Variants in DENND2B observed in about 807,000 individuals in gnomAD.
DENND2B encodes DENN domain-containing protein 2B.
In DENND2B, 32 loss-of-function variants were observed where a neutral mutation model predicts 116.0. That is an observed-to-expected ratio of 0.28 (90% CI 0.21 to 0.37). DENND2B has a LOEUF of 0.37. DENND2B is among the 10% of genes least tolerant of loss of function. DENND2B has a pLI of 1.00. For synonymous variants in DENND2B, 588 were observed against 583.9 expected (o/e 1.01, Z -0.10); for missense variants, 1,276 against 1,477.7 (o/e 0.86, Z 2.24).
At position 8,730,716 on chromosome 11, in the gene DENND2B, C is replaced by T; in HGVS notation, c.574G>A (p.Gly192Arg). The T allele has an allele frequency of 6.2e-7, 1 of 1,612,244 alleles. No homozygotes were observed. Among genetic ancestry groups the T allele is most frequent in the Non-Finnish European group, 8.5e-7 (1 of 1,179,874 alleles). Residue 192 changes from glycine (G) to arginine (R), a missense_variant, in exon 3 of 20, where the codon GGG becomes AGG. Coordinates refer to ENST00000313726, the MANE Select transcript of DENND2B (RefSeq NM_213618.2). The surrounding 1 kb of genome is among the most constrained non-coding windows in gnomAD (Gnocchi z 4.1). The stretch of plus-strand genomic sequence containing the variant: ...CCCTCACTGGCCGCCCACTCGCTCC[C>T]AGAGCCCTCCCGCTTCTCTCCACAC... ...SMCGEKREGSGSEWAASEGCP... is the reference protein window; with the variant it reads ...SMCGEKREGSRSEWAASEGCP...
intron 1 of DENND2B, among the ~76,000 whole-genome samples, chr11:8,782,892 A>AC (rs2058522953): frequency 1.3e-5 from 2 of 149,888 alleles, no homozygotes; most frequent in East Asian, 3.9e-4. Flanking sequence ...GTCTCAAAAA[A>AC]AAAAAAAAAA....
At chr11:8,853,094 T>C (rs1003262250) in intron 3 of DENND2B, among the ~76,000 whole-genome samples, 1 of 152,224 alleles carries the variant, frequency 6.6e-6, no homozygotes, top group African/African-American at 2.4e-5. Context: ...CCAGGCGCGG[T>C]GGCTCACGCC....
At chr11:8,743,356 C>A (rs2050591337) in intron 2 of DENND2B, among the ~76,000 whole-genome samples, 2 of 151,806 alleles carry the variant, frequency 1.3e-5, no homozygotes, top group Admixed American at 6.6e-5. Context: ...TTGAGACCAG[C>A]CTGGTCAACA....
At chr11:8,798,828 CTT>C (rs200890965) in intron 1 of DENND2B, among the ~76,000 whole-genome samples, 15 of 134,144 alleles carry the variant, frequency 1.1e-4, no homozygotes, top group Admixed American at 1.5e-4. Context: ...TTTCCGGTTG[CTT>C]TTTTTTTTTT....
In DENND2B at chr11:8,738,532, T is replaced by C. The variant is rs542506772; in HGVS notation, c.81-7323A>G. ...GATCCAGCCCTCTCCCCAAACACAT[T>C]GATCTACTTGATGACTATGTCCTAT... is the stretch of plus-strand genomic sequence containing the variant. On this transcript the variant is annotated intron_variant, in intron 2 of 19. Transcript: ENST00000313726. Among the ~76,000 whole-genome samples the C allele has an allele frequency of 3.9e-5, 6 of 152,200 alleles. No homozygotes were observed. In the East Asian group the frequency reaches 1.2e-3, roughly 29 times the overall value.
intron 1 of DENND2B, among the ~76,000 whole-genome samples, chr11:8,775,039 C>T (rs758011546): frequency 1.3e-5 from 2 of 151,964 alleles, no homozygotes; most frequent in Admixed American, 6.6e-5. Context: ...CACCAACACA[C>T]CTGGCTAATT....
intron 1 of DENND2B, among the ~76,000 whole-genome samples, chr11:8,792,543 C>T (rs1206535088): frequency 6.6e-6 from 1 of 151,960 alleles, no homozygotes; most frequent in Non-Finnish European, 1.5e-5. Flanking sequence ...GCAAAGAGTC[C>T]TAATGCCGTA....
At chr11:8,756,534 CG>C (rs1349582279) in intron 1 of DENND2B, among the ~76,000 whole-genome samples, 2 of 152,206 alleles carry the variant, frequency 1.3e-5, no homozygotes, top group African/African-American at 4.8e-5. Flanking sequence ...CTCACAGGGG[CG>C]CACTAGGTTA....
rs1202774458 is a variant in DENND2B at position 8,730,073 on chromosome 11, G to A, written c.1217C>T (p.Pro406Leu). 11 of 1,614,200 alleles carry A rather than the reference G, an allele frequency of 6.8e-6. No individual in the cohort carries two copies. The highest frequency in any genetic ancestry group is 7.6e-6 in the Non-Finnish European group (9 of 1,180,032). ...YEADKNPKSK[P>L]SNGLPPSPTP... ...GGGTGAAGGAGGTAGACCATTACTG[G>A]GCTTACTCTTGGGGTTCTTGTCAGC... Residue 406 changes from proline to leucine, a missense_variant, in exon 3 of 20, where the codon CCC (proline) becomes CTC (leucine). By Grantham distance (98) the Pro-to-Leu change is moderately conservative. This residue lies in a region of DENND2B where 856 missense variants were observed against 846.6 expected (regional missense o/e 1.01). Coordinates refer to ENST00000313726, the MANE Select transcript of DENND2B (RefSeq NM_213618.2). This position sits in a 1 kb window ranked among gnomAD's most constrained non-coding sequence, Gnocchi z 4.1.
chr11:8,741,646 CATACA>C (rs1405522260), intron 2 of DENND2B, among the ~76,000 whole-genome samples: 2 of 152,160 alleles, frequency 1.3e-5, no homozygotes, highest in African/African-American at 2.4e-5. Context: ...TGATTGATAG[CATACA>C]ATACAAGTGA....
At chr11:8,724,347 C>A (rs181444077) in intron 4 of DENND2B, among the ~76,000 whole-genome samples, 283 of 152,188 alleles carry the variant, frequency 1.9e-3, no homozygotes, top group Non-Finnish European at 3.4e-3. Flanking sequence ...TTTCCCTCTA[C>A]CCTGGGCCAC....
At chr11:8,792,579 A>C (rs887903663) in intron 1 of DENND2B, among the ~76,000 whole-genome samples, 2 of 152,260 alleles carry the variant, frequency 1.3e-5, no homozygotes, top group African/African-American at 4.8e-5. Context: ...TCACAAGTCT[A>C]CAAGATAAAA....
At chr11:8,721,667 C>T (rs552961846) in intron 4 of DENND2B, among the ~76,000 whole-genome samples, 5 of 152,244 alleles carry the variant, frequency 3.3e-5, no homozygotes, top group Non-Finnish European at 7.3e-5. Context: ...GCCTTGACAC[C>T]ATTTCTCGAC....
chr11:8,874,572 G>A (rs775642331), upstream of DENND2B, among the ~76,000 whole-genome samples: 5 of 152,208 alleles, frequency 3.3e-5, no homozygotes, highest in Middle Eastern at 3.4e-3. Flanking sequence ...TAGCACTCAC[G>A]AAACAATGAT....
At chr11:8,905,422 T>A (rs2064223284) in intron 1 of DENND2B, among the ~76,000 whole-genome samples, 1 of 152,132 alleles carries the variant, frequency 6.6e-6, no homozygotes, top group South Asian at 2.1e-4. Context: ...ATGTAAAAAC[T>A]AAAATATACA....
At chr11:8,694,465 C>G (rs147041178) in intron 19 of DENND2B, 177 of 457,068 alleles carry the variant, frequency 3.9e-4, no homozygotes, top group African/African-American at 3.1e-3. Flanking sequence ...GCTGTGTCTG[C>G]AGACCTGTTA....
At chr11:8,718,283 T>C in intron 4 of DENND2B, 2 of 1,305,738 alleles carry the variant, frequency 1.5e-6, no homozygotes, top group Non-Finnish European at 2.1e-6. Context: ...GATAACACAG[T>C]TCAAGGTAGG....
intron 1 of DENND2B, chr11:8,785,794 G>A (rs1249276418): frequency 1.3e-5 from 2 of 152,162 alleles, no homozygotes; most frequent in Non-Finnish European, 2.9e-5. Flanking sequence ...TGATACTTAA[G>A]AAAGAATTAA....
intron 4 of DENND2B, chr11:8,831,618 T>C (rs534454952): frequency 3.3e-5 from 5 of 152,192 alleles, no homozygotes; most frequent in East Asian, 1.9e-4. Flanking sequence ...TCCCAGCACG[T>C]TGGGAGGCTG....
Sources: gnomAD v4.1 joint callset for allele counts (sites outside exome capture counted in the v4.1 genomes callset) on GRCh38, gnomAD v4.1.1 for gene constraint, gnomAD v4.1.1 regional missense constraint, Gnocchi (gnomAD v3.1) non-coding constraint, MANE v1.5 for transcripts, NCBI Gene and HGNC (gene_info 2026-07-23, HGNC 2026-07-21) for gene names.